ZNF385D: variants seen among roughly 807,000 people sequenced by gnomAD.
ZNF385D encodes the protein zinc finger protein 659.
A neutral mutation model predicts 35.8 loss-of-function variants in ZNF385D; 15 were observed. The observed-to-expected ratio is 0.42, with a 90% CI of 0.28 to 0.64. The LOEUF is 0.64. ZNF385D is among the 30% of genes least tolerant of loss of function. The pLI, the probability that ZNF385D is intolerant of heterozygous loss-of-function variation, is 0.23. For missense variants in ZNF385D, 474 were observed against 494.6 expected (o/e 0.96, Z 0.39); for synonymous variants, 212 against 186.8 (o/e 1.13, Z -1.10).
At chr3:21,792,526 T>C (rs929084849) in intron 3 of ZNF385D, among the ~76,000 whole-genome samples, 54 of 152,266 alleles carry the variant, frequency 3.5e-4, no homozygotes, top group Admixed American at 3.3e-3. Context: ...ATACCTAAAA[T>C]AGTTAGTAGC....
intron 3 of ZNF385D, among the ~76,000 whole-genome samples, chr3:21,991,760 C>T (rs1247976805): frequency 6.6e-6 from 1 of 152,308 alleles, no homozygotes; most frequent in Non-Finnish European, 1.5e-5. Context: ...TGTCCATCCT[C>T]TTCACTGTTG....
intron 3 of ZNF385D, among the ~76,000 whole-genome samples, chr3:22,037,521 T>C (rs1440832099): frequency 2.0e-5 from 3 of 152,172 alleles, no homozygotes; most frequent in African/African-American, 7.2e-5. Flanking sequence ...TTTTGAGAAG[T>C]GTCTGTTCAT....
chr3:22,243,577 G>A (rs143805730), intron 2 of ZNF385D, among the ~76,000 whole-genome samples: 2 of 151,002 alleles, frequency 1.3e-5, no homozygotes, highest in African/African-American at 4.9e-5. Context: ...AGAGAAATTA[G>A]CCTGCTATTA....
intron 2 of ZNF385D, among the ~76,000 whole-genome samples, chr3:22,340,274 C>A (rs1277558705): frequency 1.3e-5 from 2 of 152,134 alleles, no homozygotes; most frequent in Admixed American, 6.5e-5. Context: ...AAGAACAGGT[C>A]TGGGTTCTAA....
intron 1 of ZNF385D, among the ~76,000 whole-genome samples, chr3:21,737,772 G>C (rs1575564338): frequency 6.6e-6 from 1 of 152,330 alleles, no homozygotes; most frequent in Admixed American, 6.5e-5. Flanking sequence ...CTATCTGATA[G>C]GAAGGATCAC....
intron 3 of ZNF385D, among the ~76,000 whole-genome samples, chr3:21,789,753 AAG>A: frequency 6.6e-6 from 1 of 152,310 alleles, no homozygotes; most frequent in South Asian, 2.1e-4. Flanking sequence ...ATACTAAACA[AAG>A]ATGTAAAATG....
intron 3 of ZNF385D, among the ~76,000 whole-genome samples, chr3:21,810,094 T>C (rs2072844664): frequency 6.6e-6 from 1 of 152,024 alleles, no homozygotes; most frequent in African/African-American, 2.4e-5. Flanking sequence ...AATAGACAAA[T>C]ACATTACAAG....
At chr3:21,637,709 T>C (rs1411585739) in intron 2 of ZNF385D, among the ~76,000 whole-genome samples, 1 of 152,128 alleles carries the variant, frequency 6.6e-6, no homozygotes, top group Non-Finnish European at 1.5e-5. Context: ...GTTTAAAGAA[T>C]GTATGGTCTA....
chr3:22,286,708 C>T (rs1000669170), intron 2 of ZNF385D, among the ~76,000 whole-genome samples: 2 of 152,076 alleles, frequency 1.3e-5, no homozygotes, highest in Admixed American at 6.6e-5. Context: ...CATGATTCCT[C>T]CTCTTACTGA....
At chr3:21,865,535 T>A (rs1055183150) in intron 3 of ZNF385D, among the ~76,000 whole-genome samples, 1 of 152,142 alleles carries the variant, frequency 6.6e-6, no homozygotes, top group Non-Finnish European at 1.5e-5. Context: ...CTTCCTTAAC[T>A]ATATTGTCAA....
chr3:22,135,818 T>C (rs540108337), intron 3 of ZNF385D, among the ~76,000 whole-genome samples: 5 of 152,208 alleles, frequency 3.3e-5, no homozygotes, highest in African/African-American at 9.6e-5. Flanking sequence ...AGTCCAGAAA[T>C]TGACCCACAC....
At chr3:21,972,782 A>C (rs1703344893) in intron 3 of ZNF385D, among the ~76,000 whole-genome samples, 1 of 151,950 alleles carries the variant, frequency 6.6e-6, no homozygotes. Context: ...GGATGACTAG[A>C]GGCTACTCTG....
intron 1 of ZNF385D, among the ~76,000 whole-genome samples, chr3:21,680,493 A>G (rs1031327739): frequency 2.0e-5 from 3 of 152,140 alleles, no homozygotes; most frequent in East Asian, 1.9e-4. Context: ...GTAGACCACA[A>G]TTTGTTCTTT....
intron 3 of ZNF385D, among the ~76,000 whole-genome samples, chr3:22,128,520 C>A (rs79399684): frequency 1.3e-5 from 2 of 151,866 alleles, no homozygotes; most frequent in African/African-American, 4.8e-5. Context: ...TATGTTTGCA[C>A]TTTTTAGGCT....
chr3:21,556,056 TTTTTTG>T (rs1559400414), intron 3 of ZNF385D, among the ~76,000 whole-genome samples: 46 of 141,332 alleles, frequency 3.3e-4, no homozygotes, highest in South Asian at 1.4e-3. Flanking sequence ...TTTTGACGTT[TTTTTTG>T]TTTTTGTTTT....
At chr3:21,896,453 C>A (rs943809835) in intron 3 of ZNF385D, among the ~76,000 whole-genome samples, 2 of 152,148 alleles carry the variant, frequency 1.3e-5, no homozygotes, top group Non-Finnish European at 2.9e-5. Flanking sequence ...GATTTGGGTT[C>A]TACAATCAGA....
At chr3:21,816,263 C>T (rs1490364134) in intron 3 of ZNF385D, among the ~76,000 whole-genome samples, 1 of 152,112 alleles carries the variant, frequency 6.6e-6, no homozygotes, top group African/African-American at 2.4e-5. Context: ...CCTTTGAAAA[C>T]TGGCACAAGA....
chr3:21,725,929 T>G (rs904612606), intron 1 of ZNF385D, among the ~76,000 whole-genome samples: 6 of 152,190 alleles, frequency 3.9e-5, no homozygotes, highest in Admixed American at 3.3e-4. Context: ...AAGTCCTCAA[T>G]AAAATACTGG....
At chr3:22,226,506 GA>G (rs1698566635) in intron 2 of ZNF385D, among the ~76,000 whole-genome samples, 3 of 152,098 alleles carry the variant, frequency 2.0e-5, no homozygotes, top group African/African-American at 7.2e-5. Context: ...ATCTATAGGT[GA>G]AAAAACACTT....
Sources: gnomAD v4.1 joint callset for allele counts (sites outside exome capture counted in the v4.1 genomes callset) on GRCh38, gnomAD v4.1.1 for gene constraint, MANE v1.5 for transcripts, NCBI Gene and HGNC (gene_info 2026-07-23, HGNC 2026-07-21) for gene names.